The following EPRS1 variants were observed in gnomAD, a reference collection of about 807,000 sequenced individuals.
EPRS1 encodes bifunctional glutamate/proline--tRNA ligase.
EPRS1 carries 107 observed loss-of-function variants against 188.3 expected under a neutral mutation model. The ratio of observed to expected loss-of-function variants is 0.57; its 90% CI spans 0.49 to 0.67. The LOEUF (loss-of-function observed/expected upper bound fraction) is 0.67, where lower values mean the gene tolerates loss of function less well. Ranked by LOEUF, EPRS1 falls within the 30% of genes least tolerant of loss-of-function variation. The pLI, the probability that EPRS1 is intolerant of heterozygous loss-of-function variation, is 0.00. For synonymous variants in EPRS1, 596 were observed against 593.1 expected, an observed-to-expected ratio of 1.00 and a Z score of -0.07; for missense variants, 1,577 against 1,802.2, an observed-to-expected ratio of 0.88 and a Z score of 2.26.
intron 9 of EPRS1, among the ~76,000 whole-genome samples, chr1:220,021,000 C>T (rs763685160): frequency 2.0e-5 from 3 of 151,178 alleles, no homozygotes; most frequent in South Asian, 2.1e-4. Flanking sequence ...CTCAGCCTCC[C>T]AGGTATAGAT....
chr1:219,997,980 T>C (rs1016629508), intron 17 of EPRS1, among the ~76,000 whole-genome samples: 3 of 152,160 alleles, frequency 2.0e-5, no homozygotes, highest in Non-Finnish European at 1.5e-5. Flanking sequence ...TATTTGTGTA[T>C]AAAATCTAGA....
rs1234176051 is a variant in EPRS1, at chr1:220,023,916, G to A, written c.943+348C>T. On this transcript the variant is annotated intron_variant, in intron 8 of 31. Transcript: ENST00000366923. ...TGCCTGTAATCCCGGCACTTTGGGA[G>A]GCCAAGGCAGGCAGATCACAAGGTC... Among the ~76,000 whole-genome samples, 10 of 152,288 alleles carry A rather than the reference G, an allele frequency of 6.6e-5. No individual in the cohort carries two copies. In the East Asian group the frequency reaches 1.5e-3, roughly 24 times the overall value.
At chr1:220,045,358 G>A (rs1021413043) in intron 1 of EPRS1, among the ~76,000 whole-genome samples, 1 of 152,018 alleles carries the variant, frequency 6.6e-6, no homozygotes, top group Admixed American at 6.6e-5. Flanking sequence ...CACAAAATTA[G>A]CCAGGCATGG....
At chr1:219,973,730 CT>C (rs1367223844) in intron 28 of EPRS1, among the ~76,000 whole-genome samples, 1 of 152,078 alleles carries the variant, frequency 6.6e-6, no homozygotes, top group Non-Finnish European at 1.5e-5. Flanking sequence ...TAAACGAAGA[CT>C]TTTTGAGGCT....
intron 3 of EPRS1, among the ~76,000 whole-genome samples, chr1:220,034,218 T>G (rs1041165004): frequency 6.6e-6 from 1 of 152,228 alleles, no homozygotes; most frequent in Non-Finnish European, 1.5e-5. Context: ...TTTATCTATG[T>G]TGTCTATGTT....
At chr1:219,991,881 G>A (rs1661131526) in intron 18 of EPRS1, among the ~76,000 whole-genome samples, 1 of 152,176 alleles carries the variant, frequency 6.6e-6, no homozygotes, top group Non-Finnish European at 1.5e-5. Flanking sequence ...CCAAGCTGAT[G>A]TAAGTCTTGT....
rs545306908 is a variant in EPRS1 at position 220,008,481 on chromosome 1, T to C, written c.1606-1143A>G. On this transcript the variant is annotated intron_variant, in intron 13 of 31. Coordinates refer to ENST00000366923, the MANE Select transcript of EPRS1 (RefSeq NM_004446.3). The stretch of plus-strand genomic sequence containing the variant: ...AACAACTGTTCAATGAACTCACCAA[T>C]GCATTTCAGAAAAATCAGTATGTTT... Among the ~76,000 whole-genome samples, 4 of 151,980 alleles carry C rather than the reference T, an allele frequency of 2.6e-5. No homozygotes were observed. The South Asian group carries it at 6.2e-4, about 24-fold the overall frequency.
At chr1:220,012,346 G>C (rs980794587) in intron 12 of EPRS1, among the ~76,000 whole-genome samples, 8 of 152,146 alleles carry the variant, frequency 5.3e-5, no homozygotes, top group African/African-American at 1.9e-4. Context: ...AAGTCAGTAA[G>C]ACATAATTTC....
At chr1:219,985,320 T>TA in intron 20 of EPRS1, among the ~76,000 whole-genome samples, 1 of 152,150 alleles carries the variant, frequency 6.6e-6, no homozygotes, top group Non-Finnish European at 1.5e-5. Context: ...TAAAAAGTAA[T>TA]AAAAACAATG....
intron 2 of EPRS1, among the ~76,000 whole-genome samples, chr1:220,037,360 C>G (rs1431409994): frequency 6.6e-6 from 1 of 151,850 alleles, no homozygotes; most frequent in African/African-American, 2.4e-5. Flanking sequence ...CAAAAATTAG[C>G]CAGGCATGGT....
intron 16 of EPRS1, among the ~76,000 whole-genome samples, chr1:220,002,019 A>G (rs571636642): frequency 1.1e-4 from 16 of 150,084 alleles, no homozygotes; most frequent in African/African-American, 3.9e-4. Flanking sequence ...ACAGAGTGAG[A>G]TTCTGTCTCC....
intron 6 of EPRS1, among the ~76,000 whole-genome samples, chr1:220,027,828 CAAA>C (rs1199155517): frequency 6.6e-6 from 1 of 150,566 alleles, no homozygotes; most frequent in African/African-American, 2.4e-5. Context: ...ACTAAAAATA[CAAA>C]AAATTAATTA....
At chr1:220,030,949 G>A (rs1662071988) in intron 5 of EPRS1, among the ~76,000 whole-genome samples, 2 of 152,142 alleles carry the variant, frequency 1.3e-5, no homozygotes, top group Admixed American at 6.5e-5. Context: ...AAAATTAGCT[G>A]GGCCTGGCGG....
At chr1:220,024,932 G>C (rs933208151) in intron 7 of EPRS1, 200 bp downstream of exon 7, 1 of 546,310 alleles carries the variant, frequency 1.8e-6, no homozygotes, top group Non-Finnish European at 3.2e-6. Context: ...CTCTATAACT[G>C]GGGAAAGGAA....
At chr1:220,005,127 TGA>T (rs1661433639) in intron 16 of EPRS1, 119 bp downstream of exon 16, 1 of 419,336 alleles carries the variant, frequency 2.4e-6, no homozygotes, top group East Asian at 3.6e-5. Flanking sequence ...AAAATAAAAC[TGA>T]GAGACTGAGA....
intron 6 of EPRS1, 109 bp downstream of exon 6, chr1:220,030,277 T>A: frequency 1.5e-6 from 1 of 667,540 alleles, no homozygotes; most frequent in Non-Finnish European, 2.5e-6. Context: ...AATTAAAATC[T>A]TATGTTCTTC....
intron 18 of EPRS1, among the ~76,000 whole-genome samples, chr1:219,996,030 C>T (rs1052196987): frequency 2.6e-5 from 4 of 152,274 alleles, no homozygotes; most frequent in African/African-American, 4.8e-5. Flanking sequence ...AATTGTTTTT[C>T]GTTGCAGTAC....
intron 9 of EPRS1, 134 bp from the exon 10 acceptor site, chr1:220,020,355 T>G: frequency 1.6e-6 from 1 of 611,948 alleles, no homozygotes; most frequent in Non-Finnish European, 2.8e-6. Flanking sequence ...AAAGGTTTTA[T>G]GACTTAATAC....
intron 12 of EPRS1, among the ~76,000 whole-genome samples, chr1:220,011,519 A>C (rs1316113667): frequency 6.6e-6 from 1 of 152,194 alleles, no homozygotes; most frequent in Non-Finnish European, 1.5e-5. Flanking sequence ...CACCATCAAA[A>C]GCAGAATAGC....
Sources: gnomAD v4.1 joint callset for allele counts (sites outside exome capture counted in the v4.1 genomes callset) on GRCh38, gnomAD v4.1.1 for gene constraint, MANE v1.5 for transcripts, NCBI Gene and HGNC (gene_info 2026-07-23, HGNC 2026-07-21) for gene names.